FAM162B: variants seen among roughly 807,000 people sequenced by gnomAD.
FAM162B encodes family with sequence similarity 162 member B.
In FAM162B, 16 loss-of-function variants were observed where a neutral mutation model predicts 20.0. That is an observed-to-expected ratio of 0.80 (90% CI 0.54 to 1.21). The LOEUF is 1.21. Among genes scored for constraint, FAM162B ranks in the 50% most tolerant of loss-of-function variants. The pLI is 0.00. For missense variants in FAM162B, 260 were observed against 227.5 expected (o/e 1.14, Z -0.92); for synonymous variants, 83 against 89.7 (o/e 0.93, Z 0.42).
Position 116,765,580 on chromosome 6 carries a change from G to T in FAM162B, c.-4C>A, listed in dbSNP as rs116527308. 2.8e-3 allele frequency: 3,724 copies of T among 1,334,944 alleles called. 91 individuals carry two copies. In the African/African-American group the frequency reaches 0.05, roughly 18 times the overall value. 82.7% of individuals were successfully genotyped at this position (1,334,944 alleles called of 1,614,324 possible). ...GGCTCCCGACCGCCCTGAGCATGCT[G>T]CCCGCTTGTCCCGCGCCGCACCCGC... On this transcript the variant is annotated 5_prime_UTR_variant, in exon 1 of 4. Coordinates refer to ENST00000368557, the MANE Select transcript of FAM162B (RefSeq NM_001085480.3).
At position 116,752,628 on chromosome 6, in the gene FAM162B, G is replaced by T; in HGVS notation, c.458C>A (p.Ala153Asp). Residue 153 changes from alanine (A) to aspartate (D), a missense_variant, in exon 4 of 4, where the codon GCT becomes GAT. Coordinates refer to ENST00000368557, the MANE Select transcript of FAM162B (RefSeq NM_001085480.3). The part of the protein sequence containing the change: ...LAKKAKWREE[A>D]ALAAQAKAK ...AGCTTTAGCCTGTGCAGCCAATGCA[G>T]CTTCTTCACGCCACTTAGCTTTCTT... 6.3e-7 allele frequency: 1 copy of T among 1,593,500 alleles called. No homozygotes were observed. Among genetic ancestry groups the T allele is most frequent in the Non-Finnish European group, 8.6e-7 (1 of 1,168,246 alleles).
At chr6:116,759,656 T>C (rs1232866190) in intron 3 of FAM162B, among the ~76,000 whole-genome samples, 4 of 152,162 alleles carry the variant, frequency 2.6e-5, no homozygotes, top group African/African-American at 9.7e-5. Context: ...TGAAAATTTT[T>C]AAATCTTGTC....
At chr6:116,765,292 A>C in intron 1 of FAM162B, 37 bp from the exon 2 acceptor site, 1 of 1,604,430 alleles carries the variant, frequency 6.2e-7, no homozygotes, top group Admixed American at 1.7e-5. Flanking sequence ...GCGGGAACTG[A>C]CGCACCGGCA....
chr6:116,755,674 C>A (rs1326740874), intron 3 of FAM162B, among the ~76,000 whole-genome samples: 3 of 152,066 alleles, frequency 2.0e-5, no homozygotes, highest in Admixed American at 6.5e-5. Context: ...GAAGTCAATG[C>A]CTGGTTTTAA....
intron 3 of FAM162B, among the ~76,000 whole-genome samples, chr6:116,757,935 C>T (rs947123882): frequency 6.6e-6 from 1 of 152,050 alleles, no homozygotes; most frequent in Non-Finnish European, 1.5e-5. Context: ...GACAGGTCTA[C>T]TGAAAAGGTT....
intron 2 of FAM162B, among the ~76,000 whole-genome samples, chr6:116,763,793 T>TA (rs1771852873): frequency 2.7e-5 from 4 of 148,904 alleles, no homozygotes; most frequent in African/African-American, 9.9e-5. Context: ...TTTTTTTTTT[T>TA]ACTTCTTTGG....
intron 2 of FAM162B, among the ~76,000 whole-genome samples, chr6:116,763,251 G>C (rs1239459689): frequency 1.3e-5 from 2 of 152,046 alleles, no homozygotes; most frequent in African/African-American, 4.8e-5. Context: ...CAGCCATTTG[G>C]CTTTAATCTA....
At chr6:116,762,334 T>G (rs552408883) in intron 2 of FAM162B, among the ~76,000 whole-genome samples, 1 of 152,350 alleles carries the variant, frequency 6.6e-6, no homozygotes, top group African/African-American at 2.4e-5. Context: ...TATTAGTTTC[T>G]AATTCCTCAA....
chr6:116,752,781 T>A (rs1780008115), intron 3 of FAM162B, 86 bp from the exon 4 acceptor site: 2 of 371,306 alleles, frequency 5.4e-6, no homozygotes, highest in Non-Finnish European at 8.0e-6. Flanking sequence ...TATATCTCAC[T>A]GTGACTCTCT....
rs1299743355 is a variant in FAM162B at position 116,752,466 on chromosome 6, A to G, written c.*131T>C. On this transcript the variant is annotated 3_prime_UTR_variant, in exon 4 of 4. Transcript: ENST00000368557. ...AAGTTTACTAAAAAATAAAAATAAA[A>G]AAGACATTGTGCTTCTTGTTACCAA... 1 of 379,322 alleles carries G rather than the reference A, an allele frequency of 2.6e-6. No individual in the cohort carries two copies. The highest frequency in any genetic ancestry group is 2.1e-5 in the African/African-American group (1 of 47,028). The allele number at this position is 379,322 out of a possible 1,614,324, so 23.5% of individuals were successfully genotyped here.
chr6:116,760,680 G>C (rs1010266098), intron 3 of FAM162B, among the ~76,000 whole-genome samples: 1 of 152,126 alleles, frequency 6.6e-6, no homozygotes, highest in African/African-American at 2.4e-5. Flanking sequence ...TATTATCAAA[G>C]TTATTTATTT....
chr6:116,761,697 A>ATAT (rs1258588653), intron 3 of FAM162B, among the ~76,000 whole-genome samples: 13 of 130,158 alleles, frequency 1.0e-4, no homozygotes, highest in African/African-American at 3.8e-4. Context: ...TACATATATA[A>ATAT]ATACTTATAT....
intron 3 of FAM162B, among the ~76,000 whole-genome samples, chr6:116,759,169 T>C (rs1415946157): frequency 6.6e-6 from 1 of 152,146 alleles, no homozygotes; most frequent in Non-Finnish European, 1.5e-5. Flanking sequence ...TACCTTCTCT[T>C]GTGGCCACTG....
At chr6:116,765,344 C>A in intron 1 of FAM162B, 61 bp downstream of exon 1, 4 of 1,527,854 alleles carry the variant, frequency 2.6e-6, no homozygotes, top group Non-Finnish European at 3.5e-6. Context: ...CGGGCCGGCC[C>A]CTCGCTGCCC....
At chr6:116,764,719 G>A (rs1771873744) in intron 2 of FAM162B, among the ~76,000 whole-genome samples, 1 of 152,204 alleles carries the variant, frequency 6.6e-6, no homozygotes. Context: ...CGCAAGCCAA[G>A]ATCAGAGAAC....
intron 3 of FAM162B, among the ~76,000 whole-genome samples, chr6:116,758,992 T>A (rs1377747086): frequency 6.6e-6 from 1 of 152,142 alleles, no homozygotes; most frequent in African/African-American, 2.4e-5. Context: ...TATTTTCTTG[T>A]GTATTTTGCT....
chr6:116,764,688 A>ACC (rs138477704), intron 2 of FAM162B, among the ~76,000 whole-genome samples: 43 of 143,066 alleles, frequency 3.0e-4, no homozygotes, highest in African/African-American at 9.5e-4. Context: ...TTTTCCAGAG[A>ACC]CCCCCCCGCC....
intron 3 of FAM162B, among the ~76,000 whole-genome samples, chr6:116,754,468 C>T (rs1055176334): frequency 7.9e-5 from 12 of 152,122 alleles, no homozygotes; most frequent in South Asian, 2.1e-4. Flanking sequence ...ATAAGAACTA[C>T]GATGTCCACT....
At chr6:116,754,918 A>G (rs936360610) in intron 3 of FAM162B, among the ~76,000 whole-genome samples, 1 of 152,194 alleles carries the variant, frequency 6.6e-6, no homozygotes, top group African/African-American at 2.4e-5. Flanking sequence ...TGCCATAAGT[A>G]TGCCCATATA....
Sources: gnomAD v4.1 joint callset for allele counts (sites outside exome capture counted in the v4.1 genomes callset) on GRCh38, gnomAD v4.1.1 for gene constraint, MANE v1.5 for transcripts, NCBI Gene and HGNC (gene_info 2026-07-23, HGNC 2026-07-21) for gene names.